Variants in COL18A1 observed in about 807,000 individuals in gnomAD.
The protein encoded by COL18A1 is collagen alpha-1(XVIII) chain.
COL18A1 carries 133 observed loss-of-function variants against 168.0 expected under a neutral mutation model. The observed-to-expected ratio is 0.79, with a 90% CI of 0.69 to 0.91. The LOEUF (loss-of-function observed/expected upper bound fraction) is 0.91. COL18A1 is among the 40% of genes least tolerant of loss of function. The probability of loss-of-function intolerance (pLI) is 0.00; values close to 1 mark genes in which losing one functional copy is unlikely to be tolerated. For synonymous variants in COL18A1, 949 were observed against 809.0 expected (o/e 1.17, Z -2.94); for missense variants, 2,126 against 1,925.4 (o/e 1.10, Z -1.95).
At chr21:45,475,744 G>T (rs574887018) in intron 5 of COL18A1, among the ~76,000 whole-genome samples, 2 of 141,870 alleles carry the variant, frequency 1.4e-5, no homozygotes, top group Non-Finnish European at 3.0e-5. Flanking sequence ...CCTGGCCGCC[G>T]CGTGTCTCTG....
rs2037477034 is a variant in COL18A1 at position 45,509,972 on chromosome 21, C to T, written c.3496-92C>T. ...CTCAGCGCCCCTCGGCCGTGCCTGT[C>T]CACACAGGTGCGGGGCCGGGGTGGT... On this transcript the variant is annotated intron_variant, in intron 39 of 41. Transcript: ENST00000651438. 2.1e-6 allele frequency: 3 copies of T among 1,425,046 alleles called. No homozygotes were observed. The South Asian group carries it at 3.8e-5, about 18-fold the overall frequency. 88.3% of individuals were successfully genotyped at this position (1,425,046 alleles called of 1,614,324 possible). A position where few individuals can be genotyped will look rare whatever the true frequency, so the allele number is the denominator to read the frequency against.
In COL18A1 at chr21:45,497,705, C is replaced by T. The variant is rs776494057; in HGVS notation, c.2683+44C>T. 97 of 1,550,992 alleles carry T rather than the reference C, an allele frequency of 6.3e-5. No homozygotes were observed. The South Asian group carries it at 1.1e-3, about 17-fold the overall frequency. On this transcript the variant is annotated intron_variant, in intron 32 of 41. Coordinates refer to ENST00000651438, the MANE Select transcript of COL18A1 (RefSeq NM_001379500.1). ...CCCAGGCAGGAGAGCCATGGCGTGG[C>T]CAGCACTGAAGTGTGGTCACACCTA...
At chr21:45,465,331 G>C (rs908638939) in intron 2 of COL18A1, among the ~76,000 whole-genome samples, 28 of 151,800 alleles carry the variant, frequency 1.8e-4, no homozygotes. Context: ...AGTGTCAACA[G>C]GAAGTCTCCA....
chr21:45,454,357 C>T (rs1326643958), intron 2 of COL18A1, among the ~76,000 whole-genome samples: 2 of 152,104 alleles, frequency 1.3e-5, no homozygotes, highest in Non-Finnish European at 2.9e-5. Flanking sequence ...ATTAACTGAC[C>T]CCAGCCCTGG....
intron 2 of COL18A1, among the ~76,000 whole-genome samples, chr21:45,450,386 C>T (rs1353838865): frequency 4.6e-5 from 7 of 152,164 alleles, no homozygotes; most frequent in East Asian, 3.9e-4. Flanking sequence ...CAGAGCCACC[C>T]GCCACGGGCT....
At chr21:45,485,941 G>A (rs2036092669) in intron 15 of COL18A1, among the ~76,000 whole-genome samples, 2 of 152,208 alleles carry the variant, frequency 1.3e-5, no homozygotes, top group Admixed American at 6.5e-5. Context: ...AGGAACCCTG[G>A]GCCTCTCCGT....
chr21:45,409,216 C>T (rs1459572550), intron 2 of COL18A1, among the ~76,000 whole-genome samples: 1 of 152,176 alleles, frequency 6.6e-6, no homozygotes. Context: ...TGGCCAGGCC[C>T]AACCCCACAG....
chr21:45,426,537 C>T (rs1202808596), intron 2 of COL18A1, among the ~76,000 whole-genome samples: 6 of 152,198 alleles, frequency 3.9e-5, no homozygotes, highest in East Asian at 3.9e-4. Context: ...CCATCACGTC[C>T]GGCCCTGGAA....
At chr21:45,509,150 G>A (rs1406131811) in intron 38 of COL18A1, among the ~76,000 whole-genome samples, 1 of 152,046 alleles carries the variant, frequency 6.6e-6, no homozygotes, top group Non-Finnish European at 1.5e-5. Flanking sequence ...GAGCAGAGGT[G>A]ACCCGCGATC....
chr21:45,438,054 ACACT>A (rs1305657701), intron 2 of COL18A1, among the ~76,000 whole-genome samples: 3 of 130,686 alleles, frequency 2.3e-5, no homozygotes, highest in Non-Finnish European at 4.7e-5. Flanking sequence ...TCTCCTGCAC[ACACT>A]CACACTCACA....
At chr21:45,437,313 C>T (rs1219854891) in intron 2 of COL18A1, among the ~76,000 whole-genome samples, 22 of 125,380 alleles carry the variant, frequency 1.8e-4, no homozygotes, top group Non-Finnish European at 2.9e-4. Context: ...CACACAGGCA[C>T]TCTCCTGCAC....
chr21:45,461,711 C>A (rs1169732177), intron 2 of COL18A1, among the ~76,000 whole-genome samples: 2 of 152,206 alleles, frequency 1.3e-5, no homozygotes, highest in Non-Finnish European at 2.9e-5. Context: ...TTTTTTAGAT[C>A]CCACATGTGA....
In COL18A1 at chr21:45,496,628, C is replaced by T. The variant is rs549828567; in HGVS notation, c.2577+60C>T. 66 of 849,616 alleles carry T rather than the reference C, an allele frequency of 7.8e-5. No homozygotes were observed. In the Middle Eastern group the frequency reaches 4.0e-3, roughly 51 times the overall value. 52.6% of individuals were successfully genotyped at this position (849,616 alleles called of 1,614,324 possible). ...CCCTTGGCTGTCACACAGAGCCCCA[C>T]AGAGGGGCTGGGCCTTCTTCTCCCC... On this transcript the variant is annotated intron_variant, in intron 30 of 41. Coordinates refer to ENST00000651438, the MANE Select transcript of COL18A1 (RefSeq NM_001379500.1).
intron 15 of COL18A1, among the ~76,000 whole-genome samples, chr21:45,484,619 C>CACAT (rs3028012): frequency 0.31 from 47,512 of 152,010 alleles, 7,549 homozygotes; most frequent in African/African-American, 0.38. Context: ...ATATGTGCAA[C>CACAT]ACATGTATCT....
chr21:45,425,667 G>C lies in COL18A1; in HGVS notation c.106+20194G>C, dbSNP rs1300028392. Among the ~76,000 whole-genome samples, 1 of 152,134 alleles carries C rather than the reference G, an allele frequency of 6.6e-6. No individual in the cohort carries two copies. The highest frequency in any genetic ancestry group is 1.5e-5 in the Non-Finnish European group (1 of 68,014). On this transcript the variant is annotated intron_variant, in intron 2 of 41. Transcript: ENST00000651438. This position sits in a 1 kb window ranked among gnomAD's most constrained non-coding sequence, Gnocchi z 4.1. ...TCGTCCAGCCTCCCCGGCTCCTCAGGGGGAGGTTCGGGGCCTTTGGTCTCT... is the reference window on the plus strand; with the variant it reads ...TCGTCCAGCCTCCCCGGCTCCTCAGCGGGAGGTTCGGGGCCTTTGGTCTCT...
rs556346113 is a variant in COL18A1, at chr21:45,504,460, G to T, written c.2772G>T (p.Arg924Ser). 4.1e-5 allele frequency: 66 copies of T among 1,610,546 alleles called. No homozygotes were observed. Among genetic ancestry groups the T allele is most frequent in the Middle Eastern group, 1.7e-4 (1 of 5,744 alleles). ...GTGATGCAGGACAGAAAGGCGAAAG[G>T]GGGGAGCCCGGGGGCGGCGGTTTCT... is the stretch of plus-strand genomic sequence containing the variant. ...DRGDAGQKGE[R>S]GEPGGGGFFG... The change falls in exon 34 of 42, where the codon AGG (arginine) becomes AGT (serine). Residue 924 changes from arginine (R) to serine (S), a missense_variant. Transcript: ENST00000651438.
chr21:45,503,858 G>A (rs538075369), intron 32 of COL18A1, 153 bp from the exon 33 acceptor site: 28 of 609,612 alleles, frequency 4.6e-5, no homozygotes, highest in African/African-American at 2.4e-4. Flanking sequence ...AGAAAGTATC[G>A]GTTAACTAGG....
At chr21:45,475,096 G>C (rs1377110153) in intron 4 of COL18A1, among the ~76,000 whole-genome samples, 4 of 152,200 alleles carry the variant, frequency 2.6e-5, no homozygotes, top group African/African-American at 9.6e-5. Context: ...CGCGTGTTCG[G>C]CCCAGCCGGG....
intron 2 of COL18A1, among the ~76,000 whole-genome samples, chr21:45,460,259 T>C (rs2034997416): frequency 6.6e-6 from 1 of 152,198 alleles, no homozygotes; most frequent in Non-Finnish European, 1.5e-5. Context: ...GGCCATCTGA[T>C]GAGGGCAGGG....
Sources: allele counts gnomAD v4.1 joint callset (sites outside exome capture counted in the v4.1 genomes callset), GRCh38; gene constraint gnomAD v4.1.1; non-coding constraint Gnocchi (gnomAD v3.1); transcripts MANE v1.5; gene names NCBI Gene and HGNC (gene_info 2026-07-23, HGNC 2026-07-21).